Variants in CSMD3 observed in about 807,000 individuals in gnomAD.
CSMD3 encodes the protein CUB and sushi domain-containing protein 3.
Under a neutral mutation model 435.2 loss-of-function variants are expected in CSMD3, and 177 were observed. The observed-to-expected ratio is 0.41, with a 90% CI of 0.36 to 0.46. CSMD3 has a LOEUF of 0.46. Ranked by LOEUF, CSMD3 falls within the 20% of genes least tolerant of loss-of-function variation. The pLI, the probability that CSMD3 is intolerant of heterozygous loss-of-function variation, is 0.34. For missense variants in CSMD3, 4,265 were observed against 4,504.6 expected (o/e 0.95, Z 1.52); for synonymous variants, 1,656 against 1,520.5 (o/e 1.09, Z -2.07).
intron 45 of CSMD3, among the ~76,000 whole-genome samples, chr8:112,325,322 T>C (rs1823398092): frequency 6.6e-6 from 1 of 152,164 alleles, no homozygotes; most frequent in Non-Finnish European, 1.5e-5. Flanking sequence ...TTTCATTTTC[T>C]TGAAATCTAT....
intron 11 of CSMD3, among the ~76,000 whole-genome samples, chr8:112,851,233 C>G (rs535452967): frequency 6.6e-6 from 1 of 152,076 alleles, no homozygotes; most frequent in African/African-American, 2.4e-5. Flanking sequence ...GACAGCGTAA[C>G]TTTGATTGAA....
intron 10 of CSMD3, among the ~76,000 whole-genome samples, chr8:112,868,304 A>G (rs1458351197): frequency 6.6e-6 from 1 of 152,110 alleles, no homozygotes; most frequent in South Asian, 2.1e-4. Flanking sequence ...AAAAGAGTAC[A>G]CTTTCTTTTT....
intron 31 of CSMD3, 142 bp downstream of exon 31, chr8:112,492,347 G>C: frequency 1.4e-6 from 1 of 710,772 alleles, no homozygotes; most frequent in Non-Finnish European, 2.4e-6. Flanking sequence ...ACTTTAAAAT[G>C]TTTGATAAAA....
intron 47 of CSMD3, among the ~76,000 whole-genome samples, chr8:112,316,723 C>T (rs1009855021): frequency 6.6e-6 from 1 of 151,786 alleles, no homozygotes; most frequent in Non-Finnish European, 1.5e-5. Flanking sequence ...GTTTAAAGTG[C>T]TCAAAATCTC....
intron 23 of CSMD3, among the ~76,000 whole-genome samples, chr8:112,583,681 C>T (rs554865947): frequency 2.0e-5 from 3 of 151,858 alleles, no homozygotes; most frequent in Admixed American, 6.6e-5. Flanking sequence ...GTTTCCTATA[C>T]ATTAATGGAT....
intron 26 of CSMD3, 136 bp from the exon 27 acceptor site, chr8:112,551,009 C>G: frequency 1.5e-6 from 1 of 654,488 alleles, no homozygotes. Flanking sequence ...ACATAAACAG[C>G]ATATATTCTT....
At chr8:112,680,289 C>T (rs13248739) in intron 16 of CSMD3, among the ~76,000 whole-genome samples, 7 of 152,042 alleles carry the variant, frequency 4.6e-5, no homozygotes, top group Non-Finnish European at 8.8e-5. Flanking sequence ...ACCCGGGCGG[C>T]GGAGGTTGCA....
chr8:112,694,619 A>G (rs1311673303), intron 13 of CSMD3, among the ~76,000 whole-genome samples: 3 of 152,142 alleles, frequency 2.0e-5, no homozygotes, highest in Non-Finnish European at 4.4e-5. Context: ...ATACACAGTA[A>G]GTAAAGTAAA....
At chr8:113,419,457 T>C (rs1291686654) in intron 1 of CSMD3, among the ~76,000 whole-genome samples, 2 of 152,046 alleles carry the variant, frequency 1.3e-5, no homozygotes, top group African/African-American at 2.4e-5. Context: ...AGGCATAATA[T>C]ATATTTACTC....
intron 1 of CSMD3, among the ~76,000 whole-genome samples, chr8:113,379,187 T>G (rs867365128): frequency 6.6e-6 from 1 of 152,118 alleles, no homozygotes; most frequent in Non-Finnish European, 1.5e-5. Flanking sequence ...ATAATGAACA[T>G]GAACCCATTT....
chr8:113,110,886 T>C (rs1383236002), intron 4 of CSMD3, among the ~76,000 whole-genome samples: 2 of 152,186 alleles, frequency 1.3e-5, no homozygotes, highest in Admixed American at 6.5e-5. Flanking sequence ...CACTGGCAGA[T>C]TCAGTAACTG....
intron 9 of CSMD3, among the ~76,000 whole-genome samples, chr8:112,945,809 A>T (rs921026217): frequency 1.1e-4 from 17 of 151,470 alleles, no homozygotes; most frequent in Admixed American, 7.9e-4. Flanking sequence ...TCTATAATTG[A>T]GTTTCACTGA....
At chr8:113,212,289 T>C (rs1281172938) in intron 3 of CSMD3, among the ~76,000 whole-genome samples, 2 of 152,142 alleles carry the variant, frequency 1.3e-5, no homozygotes, top group Non-Finnish European at 1.5e-5. Flanking sequence ...GATAACCATA[T>C]TCACATAAAG....
At chr8:113,306,120 G>A (rs2093818773) in intron 2 of CSMD3, among the ~76,000 whole-genome samples, 1 of 152,020 alleles carries the variant, frequency 6.6e-6, no homozygotes, top group African/African-American at 2.4e-5. Context: ...CTCTAGTATT[G>A]CTTTTCTTAT....
intron 22 of CSMD3, among the ~76,000 whole-genome samples, chr8:112,635,850 T>C (rs995125082): frequency 6.6e-6 from 1 of 152,218 alleles, no homozygotes; most frequent in Non-Finnish European, 1.5e-5. Context: ...TTTGTATCCA[T>C]AGTAAAGAGC....
chr8:112,959,097 T>C (rs1410300016), intron 7 of CSMD3, among the ~76,000 whole-genome samples: 1 of 152,084 alleles, frequency 6.6e-6, no homozygotes, highest in Non-Finnish European at 1.5e-5. Flanking sequence ...TATTATTCTA[T>C]TTCATTGCTA....
chr8:113,046,056 A>G (rs1385852832), intron 5 of CSMD3, among the ~76,000 whole-genome samples: 1 of 149,556 alleles, frequency 6.7e-6, no homozygotes, highest in African/African-American at 2.4e-5. Context: ...AAGTAATTCC[A>G]GAAAAAGAAA....
In CSMD3 at chr8:112,551,800, T is replaced by C. The variant is rs35731882; in HGVS notation, c.4361+794A>G. ...TAGAAGCCTGTCTGAAATTCCATTG[T>C]ATATAAATGGAATTTATATTACTAC... is the stretch of plus-strand genomic sequence containing the variant. On this transcript the variant is annotated intron_variant, in intron 26 of 70. Coordinates refer to ENST00000297405, the MANE Select transcript of CSMD3 (RefSeq NM_198123.2). 6.9e-3 allele frequency among the ~76,000 whole-genome samples: 1,044 copies of C among 152,228 alleles called. 3 individuals are homozygous for C. Among genetic ancestry groups the C allele is most frequent in the Non-Finnish European group, 0.011 (771 of 68,010 alleles).
chr8:113,234,294 T>C (rs1345067226), intron 3 of CSMD3, among the ~76,000 whole-genome samples: 1 of 152,094 alleles, frequency 6.6e-6, no homozygotes, highest in Non-Finnish European at 1.5e-5. Context: ...GCATCGAATC[T>C]TTCCAGTTTG....
Sources: gnomAD v4.1 joint callset for allele counts (sites outside exome capture counted in the v4.1 genomes callset) on GRCh38, gnomAD v4.1.1 for gene constraint, MANE v1.5 for transcripts, NCBI Gene and HGNC (gene_info 2026-07-23, HGNC 2026-07-21) for gene names.